The following PACRG variants were observed in gnomAD, a reference collection of about 807,000 sequenced individuals.
PACRG encodes the protein parkin coregulated gene protein.
Under a neutral mutation model 29.7 loss-of-function variants are expected in PACRG, and 29 were observed. The ratio of observed to expected loss-of-function variants is 0.98; its 90% CI spans 0.73 to 1.33. The LOEUF is 1.33. PACRG is among the 40% of genes most tolerant of loss of function. The probability of loss-of-function intolerance (pLI) is 0.00; values close to 1 mark genes in which losing one functional copy is unlikely to be tolerated. For synonymous variants in PACRG, 116 were observed against 118.7 expected (o/e 0.98, Z 0.15); for missense variants, 279 against 316.2 (o/e 0.88, Z 0.89).
intron 2 of PACRG, among the ~76,000 whole-genome samples, chr6:162,980,667 G>A (rs931106160): frequency 4.6e-5 from 7 of 152,090 alleles, no homozygotes; most frequent in South Asian, 4.1e-4. Context: ...AAATGCAGAA[G>A]GATAATTTGC....
rs542097817 is a variant in PACRG at position 162,824,253 on chromosome 6, C to T, written c.291+9972C>T. Among the ~76,000 whole-genome samples the T allele has an allele frequency of 2.0e-5, 3 of 152,204 alleles. No homozygotes were observed. In the East Asian group the frequency reaches 5.8e-4, roughly 30 times the overall value. ...AAGGCAACTACTTCAAGGTAGCAGG[C>T]TGGTGGCCTAGTCCCTCCCGCCCCC... On this transcript the variant is annotated intron_variant, in intron 2 of 4. Transcript: ENST00000366888.
At chr6:162,798,290 G>A (rs753137906) in intron 1 of PACRG, among the ~76,000 whole-genome samples, 1 of 152,168 alleles carries the variant, frequency 6.6e-6, no homozygotes, top group Non-Finnish European at 1.5e-5. Context: ...ACAAATGGAT[G>A]TGAAGGGACT....
chr6:162,739,921 G>GT (rs2128258899), intron 1 of PACRG, among the ~76,000 whole-genome samples: 1 of 148,694 alleles, frequency 6.7e-6, no homozygotes, highest in East Asian at 2.0e-4. Flanking sequence ...TCTTCTATGT[G>GT]TTTTATTCTT....
intron 1 of PACRG, among the ~76,000 whole-genome samples, chr6:162,744,801 T>C (rs1037232105): frequency 6.6e-6 from 1 of 152,182 alleles, no homozygotes; most frequent in Non-Finnish European, 1.5e-5. Flanking sequence ...GTTTATGGCT[T>C]TTGTGATTTT....
At chr6:163,045,385 C>A (rs188530203) in intron 2 of PACRG, among the ~76,000 whole-genome samples, 1 of 152,280 alleles carries the variant, frequency 6.6e-6, no homozygotes, top group East Asian at 1.9e-4. Flanking sequence ...TGCAAAGAAA[C>A]CCTCTGTTAT....
intron 4 of PACRG, among the ~76,000 whole-genome samples, chr6:163,200,535 A>C (rs1290498004): frequency 6.6e-6 from 1 of 152,036 alleles, no homozygotes; most frequent in Non-Finnish European, 1.5e-5. Context: ...TTTCCAAACA[A>C]CGCACAGCCA....
intron 2 of PACRG, among the ~76,000 whole-genome samples, chr6:163,030,472 C>G (rs1042321482): frequency 3.9e-5 from 6 of 152,174 alleles, no homozygotes; most frequent in African/African-American, 7.2e-5. Flanking sequence ...GCAGCTACCG[C>G]TCATCAGAGC....
At chr6:163,193,386 T>G (rs775851272) in intron 4 of PACRG, among the ~76,000 whole-genome samples, 12 of 152,162 alleles carry the variant, frequency 7.9e-5, no homozygotes, top group Non-Finnish European at 1.8e-4. Context: ...CTTAAGACAA[T>G]GTATGAAGAG....
chr6:162,866,333 C>A (rs1269330958), intron 2 of PACRG, among the ~76,000 whole-genome samples: 1 of 152,186 alleles, frequency 6.6e-6, no homozygotes, highest in African/African-American at 2.4e-5. Context: ...CCGGTCTTTA[C>A]CAACTAATCT....
At chr6:163,121,424 G>C (rs999586993) in intron 4 of PACRG, among the ~76,000 whole-genome samples, 2 of 151,946 alleles carry the variant, frequency 1.3e-5, no homozygotes, top group Non-Finnish European at 2.9e-5. Flanking sequence ...TCTACCTCGG[G>C]GCTTCTGTGA....
chr6:162,873,118 A>T lies in PACRG; in HGVS notation c.291+58837A>T, dbSNP rs1253130221. On this transcript the variant is annotated intron_variant, in intron 2 of 4. Coordinates refer to ENST00000366888, the MANE Select transcript of PACRG (RefSeq NM_001080379.2). ...TTCTGCCTAATATGTTTTTCCCTGG[A>T]ACTACAGGTATTATTTATACGTATG... Among the ~76,000 whole-genome samples the T allele has an allele frequency of 2.6e-5, 4 of 152,316 alleles. No homozygotes were observed. The East Asian group carries it at 7.7e-4, about 29-fold the overall frequency.
At chr6:163,078,688 C>T (rs995354837) in intron 3 of PACRG, among the ~76,000 whole-genome samples, 5 of 152,094 alleles carry the variant, frequency 3.3e-5, no homozygotes, top group African/African-American at 4.8e-5. Flanking sequence ...GGGCTAGAGC[C>T]TCAGACTGAG....
intron 2 of PACRG, among the ~76,000 whole-genome samples, chr6:162,953,109 T>C (rs1799773895): frequency 1.3e-5 from 2 of 152,170 alleles, no homozygotes; most frequent in Admixed American, 6.6e-5. Flanking sequence ...CAGGGGAGTG[T>C]GTTGCTTTAA....
At chr6:163,013,836 T>C (rs1463308053) in intron 2 of PACRG, among the ~76,000 whole-genome samples, 7 of 151,822 alleles carry the variant, frequency 4.6e-5, no homozygotes, top group Non-Finnish European at 5.9e-5. Context: ...TTGACAAATA[T>C]AATTGCTTTA....
intron 2 of PACRG, among the ~76,000 whole-genome samples, chr6:162,885,742 ATG>A (rs145946593): frequency 7.3e-5 from 11 of 151,354 alleles, no homozygotes; most frequent in African/African-American, 2.7e-4. Flanking sequence ...GTTGACTTGC[ATG>A]TGTGTGTGTG....
At chr6:162,875,111 TCACA>T (rs762136937) in intron 2 of PACRG, among the ~76,000 whole-genome samples, 13 of 152,034 alleles carry the variant, frequency 8.6e-5, no homozygotes, top group South Asian at 4.2e-4. Flanking sequence ...ATTTGCACAC[TCACA>T]CATACATAGT....
rs191395438 is a variant in PACRG at position 162,797,106 on chromosome 6, G to A, written c.157-17041G>A. On this transcript the variant is annotated intron_variant, in intron 1 of 4. Coordinates refer to ENST00000366888, the MANE Select transcript of PACRG (RefSeq NM_001080379.2). ...AGACTGGCCAACATGGCGACCCCCC[G>A]TCTCTACTAAAAATACAAAAATTAA... 8.1e-4 allele frequency among the ~76,000 whole-genome samples: 124 copies of A among 152,168 alleles called. No homozygotes were observed. In the East Asian group the frequency reaches 0.011, roughly 14 times the overall value.
At chr6:163,010,056 A>T (rs1335251510) in intron 2 of PACRG, among the ~76,000 whole-genome samples, 2 of 152,162 alleles carry the variant, frequency 1.3e-5, no homozygotes, top group Admixed American at 6.5e-5. Flanking sequence ...CATTTTGAAG[A>T]TCTAAGGTCC....
chr6:163,116,278 T>C (rs1815987566), intron 4 of PACRG, among the ~76,000 whole-genome samples: 1 of 152,148 alleles, frequency 6.6e-6, no homozygotes, highest in Non-Finnish European at 1.5e-5. Context: ...AGGGAGCAGA[T>C]ACTACGCACT....
Sources: allele counts gnomAD v4.1 joint callset (sites outside exome capture counted in the v4.1 genomes callset), GRCh38; gene constraint gnomAD v4.1.1; transcripts MANE v1.5; gene names NCBI Gene and HGNC (gene_info 2026-07-23, HGNC 2026-07-21).